The following MICALL2 variants were observed in gnomAD, a reference collection of about 807,000 sequenced individuals.
MICALL2 encodes MICAL like 2.
Under a neutral mutation model 91.1 loss-of-function variants are expected in MICALL2, and 111 were observed. That is an observed-to-expected ratio of 1.22 (90% CI 1.04 to 1.43). The LOEUF is 1.43. MICALL2 is among the 40% of genes most tolerant of loss of function. The pLI is 0.00. For synonymous variants in MICALL2, 694 were observed against 525.3 expected, an observed-to-expected ratio of 1.32 and a Z score of -4.39; for missense variants, 1,556 against 1,236.0, an observed-to-expected ratio of 1.26 and a Z score of -3.88.
Position 1,438,657 on chromosome 7 carries a change from A to C in MICALL2, c.2122+183T>G, listed in dbSNP as rs1584199873. ...CATGAGTCTGTAACAAGGTACTCTG[A>C]AACAGCTAGGGTCTCTATTCATGAG... On this transcript the variant is annotated intron_variant, in intron 10 of 16. Coordinates refer to ENST00000297508, the MANE Select transcript of MICALL2 (RefSeq NM_182924.4). 2.1e-6 allele frequency: 3 copies of C among 1,425,036 alleles called. No individual in the cohort carries two copies. The East Asian group carries it at 7.6e-5, about 36-fold the overall frequency. The allele number at this position is 1,425,036 out of a possible 1,614,324, so 88.3% of individuals were successfully genotyped here.
rs1378953281 is a variant in MICALL2 at position 1,435,114 on chromosome 7, C to T, written c.2625G>A (p.Met875Ile). 1 of 1,613,436 alleles carries T rather than the reference C, an allele frequency of 6.2e-7. No individual in the cohort carries two copies. The highest frequency in any genetic ancestry group is 1.3e-5 in the African/African-American group (1 of 74,896). Residue 875 changes from methionine (M) to isoleucine (I), a missense_variant, in exon 16 of 17, where the codon ATG becomes ATA. Physicochemically the swap from Met to Ile is conservative, Grantham distance 10. Coordinates refer to ENST00000297508, the MANE Select transcript of MICALL2 (RefSeq NM_182924.4). ...EQEEDQMLRD[M>I]IEKLGLQRKK... ...CGGCCCAGTCACCCAGCTTCTCAAT[C>T]ATGTCCCGCAGCATCTGATCCTCCT...
Position 1,438,942 on chromosome 7 carries a change from C to A in MICALL2, c.2020G>T (p.Asp674Tyr). 6.2e-7 allele frequency: 1 copy of A among 1,605,602 alleles called. No individual in the cohort carries two copies. Among genetic ancestry groups the A allele is most frequent in the Non-Finnish European group, 8.5e-7 (1 of 1,179,492 alleles). Residue 674 changes from aspartate (D) to tyrosine (Y), a missense_variant, in exon 10 of 17, where the codon GAC becomes TAC. Physicochemically the swap from Asp to Tyr is radical, Grantham distance 160. Transcript: ENST00000297508. ...RRRLAVPASL[D>Y]VCDNWLRPEP... ...GGCCGAAGCCAGTTGTCACAAACGT[C>A]GAGGCTGGCAGGGACGGCCAGTCTC...
Position 1,434,574 on chromosome 7 carries a change from G to A in MICALL2, c.*22C>T, listed in dbSNP as rs9986875. The A allele has an allele frequency of 7.1e-3, 11,425 of 1,598,562 alleles. 449 individuals are homozygous for A. The African/African-American group carries it at 0.1, about 14-fold the overall frequency. The stretch of plus-strand genomic sequence containing the variant: ...CAAGTCCGGATGCCAGGTCCGGGCC[G>A]AGCCCACGGCCCTACTGGCTACTAC... On this transcript the variant is annotated 3_prime_UTR_variant, in exon 17 of 17. Coordinates refer to ENST00000297508, the MANE Select transcript of MICALL2 (RefSeq NM_182924.4).
intron 13 of MICALL2, 49 bp from the exon 14 acceptor site, chr7:1,437,657 C>T (rs1344284895): frequency 1.5e-5 from 22 of 1,516,498 alleles, no homozygotes; most frequent in East Asian, 4.9e-5. Context: ...CCCTGTCCCC[C>T]GCCTGGCCCG....
At chr7:1,450,836 G>C (rs1447099450) in intron 1 of MICALL2, among the ~76,000 whole-genome samples, 8 of 152,202 alleles carry the variant, frequency 5.3e-5, no homozygotes, top group African/African-American at 1.9e-4. Flanking sequence ...CGCTTCTGTT[G>C]TTGGAAGGGT....
At chr7:1,443,937 G>C (rs908878481) in intron 6 of MICALL2, among the ~76,000 whole-genome samples, 7 of 152,112 alleles carry the variant, frequency 4.6e-5, no homozygotes, top group Admixed American at 1.3e-4. Context: ...GGCAGGCGCC[G>C]GGCCCAGGCA....
intron 1 of MICALL2, among the ~76,000 whole-genome samples, chr7:1,453,018 G>A (rs926529258): frequency 1.3e-5 from 2 of 151,516 alleles, no homozygotes; most frequent in African/African-American, 4.9e-5. Flanking sequence ...TGCTGTCCCC[G>A]AGCTCACACC....
At chr7:1,453,731 AG>A (rs1780916647) in intron 1 of MICALL2, among the ~76,000 whole-genome samples, 1 of 151,796 alleles carries the variant, frequency 6.6e-6, no homozygotes, top group Non-Finnish European at 1.5e-5. Context: ...GGCATCCTCC[AG>A]GGTTTAATCT....
At chr7:1,437,680 C>T (rs1018542128) in intron 13 of MICALL2, 72 bp from the exon 14 acceptor site, 159 of 1,473,020 alleles carry the variant, frequency 1.1e-4, no homozygotes, top group Non-Finnish European at 1.4e-4. Flanking sequence ...CAGCCCGCAA[C>T]GAGGTCCTGG....
chr7:1,440,522 A>T lies in MICALL2; in HGVS notation c.1805+69T>A, dbSNP rs1780230857. 4 of 1,363,216 alleles carry T rather than the reference A, an allele frequency of 2.9e-6. No individual in the cohort carries two copies. The African/African-American group carries it at 4.3e-5, about 15-fold the overall frequency. 84.4% of individuals were successfully genotyped at this position (1,363,216 alleles called of 1,614,324 possible). ...GGATAGGCGTGTCAATCGGTCGATT[A>T]CATACTCACTGCATTTATTAAGCAC... On this transcript the variant is annotated intron_variant, in intron 8 of 16. Coordinates refer to ENST00000297508, the MANE Select transcript of MICALL2 (RefSeq NM_182924.4).
chr7:1,454,335 G>C (rs1299211782), intron 1 of MICALL2, among the ~76,000 whole-genome samples: 4 of 152,118 alleles, frequency 2.6e-5, no homozygotes, highest in African/African-American at 9.7e-5. Context: ...GGAGATGGTG[G>C]AGGGAGGCCC....
At chr7:1,458,235 C>T (rs896508374) in intron 1 of MICALL2, among the ~76,000 whole-genome samples, 9 of 152,192 alleles carry the variant, frequency 5.9e-5, no homozygotes, top group Non-Finnish European at 1.3e-4. Context: ...GAGCAAGGAC[C>T]CCTCCTCTTA....
chr7:1,439,171 GC>G, intron 9 of MICALL2, 176 bp from the exon 10 acceptor site: 1 of 580,266 alleles, frequency 1.7e-6, no homozygotes, highest in Non-Finnish European at 3.0e-6. Context: ...GCCCAACCTG[GC>G]CATGTCTCCC....
chr7:1,434,826 T>G, intron 16 of MICALL2, 154 bp from the exon 17 acceptor site: 1 of 832,436 alleles, frequency 1.2e-6, no homozygotes, highest in Non-Finnish European at 1.8e-6. Context: ...CCCTCCCACG[T>G]GAGAACCTGC....
chr7:1,444,568 G>T, intron 6 of MICALL2, 84 bp downstream of exon 6: 1 of 1,345,232 alleles, frequency 7.4e-7, no homozygotes, highest in Non-Finnish European at 1.0e-6. Flanking sequence ...GAGGTGCAGC[G>T]CCCCCAACCC....
chr7:1,453,568 T>C (rs545465860), intron 1 of MICALL2, among the ~76,000 whole-genome samples: 113 of 152,104 alleles, frequency 7.4e-4, no homozygotes, highest in Admixed American at 1.6e-3. Flanking sequence ...GACACCCCTG[T>C]CCTTGCCGGA....
chr7:1,440,590 C>T lies in MICALL2; in HGVS notation c.1805+1G>A. 1 of 1,612,646 alleles carries T rather than the reference C, an allele frequency of 6.2e-7. No individual in the cohort carries two copies. The highest frequency in any genetic ancestry group is 8.5e-7 in the Non-Finnish European group (1 of 1,179,794). On this transcript the variant is annotated splice_donor_variant, in intron 8 of 16. Coordinates refer to ENST00000297508, the MANE Select transcript of MICALL2 (RefSeq NM_182924.4). LOFTEE classifies it high-confidence loss of function. Reference sequence around the variant, plus strand: ...CTGGGCCAGCCCCACCCATCCCTAACCTCTCAGCTGGGCTTCTCCTGTCCA... The same window carrying T: ...CTGGGCCAGCCCCACCCATCCCTAATCTCTCAGCTGGGCTTCTCCTGTCCA...
rs1780859904 is a variant in MICALL2 at position 1,452,195 on chromosome 7, C to T, written c.144-1907G>A. 6.6e-6 allele frequency among the ~76,000 whole-genome samples: 1 copy of T among 152,214 alleles called. No individual in the cohort carries two copies. The highest frequency in any genetic ancestry group is 1.9e-4 in the East Asian group (1 of 5,196). On this transcript the variant is annotated intron_variant, in intron 1 of 16. Transcript: ENST00000297508. The surrounding 1 kb of genome is among the most constrained non-coding windows in gnomAD (Gnocchi z 6.2). ...TCTGCACGCCGGACAAGATGGGGCG[C>T]GGACTCCTCTCCGTGTGGACAGATG...
Position 1,440,009 on chromosome 7 carries a change from A to G in MICALL2, c.1882T>C (p.Phe628Leu). Residue 628 changes from phenylalanine to leucine, a missense_variant, in exon 9 of 17, where the codon TTT becomes CTT. Coordinates refer to ENST00000297508, the MANE Select transcript of MICALL2 (RefSeq NM_182924.4). ...GEAPRKVSGS[F>L]AGSVHITLTP... ...AGGGTGATGTGGACACTCCCAGCAA[A>G]GCTGCCTGAGACCTTCCTGGGGGCC... 6.4e-7 allele frequency: 1 copy of G among 1,556,024 alleles called. No homozygotes were observed. Among genetic ancestry groups the G allele is most frequent in the Non-Finnish European group, 8.6e-7 (1 of 1,161,868 alleles).
Sources: allele counts gnomAD v4.1 joint callset (sites outside exome capture counted in the v4.1 genomes callset), GRCh38; gene constraint gnomAD v4.1.1; non-coding constraint Gnocchi (gnomAD v3.1); transcripts MANE v1.5; gene names NCBI Gene and HGNC (gene_info 2026-07-23, HGNC 2026-07-21).